The following ATG4B variants were observed in gnomAD, a reference collection of about 807,000 sequenced individuals.
ATG4B encodes the protein autophagy related 4B cysteine peptidase.
A neutral mutation model predicts 56.6 loss-of-function variants in ATG4B; 29 were observed. That is an observed-to-expected ratio of 0.51 (90% CI 0.38 to 0.70). The LOEUF (loss-of-function observed/expected upper bound fraction) is 0.70. Ranked by LOEUF, ATG4B falls within the 30% of genes least tolerant of loss-of-function variation. ATG4B has a pLI of 0.00. For missense variants in ATG4B, 461 were observed against 515.5 expected (o/e 0.89, Z 1.02); for synonymous variants, 224 against 206.1 (o/e 1.09, Z -0.74).
intron 7 of ATG4B, among the ~76,000 whole-genome samples, chr2:241,664,224 A>T (rs551317983): frequency 6.6e-6 from 1 of 152,326 alleles, no homozygotes; most frequent in Admixed American, 6.5e-5. Flanking sequence ...TTTTAAAAAA[A>T]TCAAAGTTAA....
rs565961562 is a variant in ATG4B at position 241,647,654 on chromosome 2, T to C, written c.11-3356T>C. Among the ~76,000 whole-genome samples the C allele has an allele frequency of 1.1e-3, 168 of 150,828 alleles. 1 individual carries two copies. Among genetic ancestry groups the C allele is most frequent in the African/African-American group, 3.7e-3 (151 of 41,022 alleles). ...AAAAAAAAAAAAAAAGAAAAGAAAT[T>C]AGACCGGTGGTGTTTTCATCCTTTT... On this transcript the variant is annotated intron_variant, in intron 1 of 12. Coordinates refer to ENST00000404914, the MANE Select transcript of ATG4B (RefSeq NM_013325.5).
At chr2:241,652,289 T>A (rs2068249275) in intron 3 of ATG4B, among the ~76,000 whole-genome samples, 1 of 152,274 alleles carries the variant, frequency 6.6e-6, no homozygotes, top group African/African-American at 2.4e-5. Context: ...GCGCTGAACC[T>A]GCTCTCTTGG....
rs201831892 is a variant in ATG4B, at chr2:241,666,848, G to A, written c.732+10G>A. On this transcript the variant is annotated intron_variant, in intron 8 of 12. Transcript: ENST00000404914. ...CGTGGAGACGCTGAAGGTGGGTCCTGCCGTGCGGCGCTTGCCCTGAGTCCC... is the reference window on the plus strand; with the variant it reads ...CGTGGAGACGCTGAAGGTGGGTCCTACCGTGCGGCGCTTGCCCTGAGTCCC... 9.7e-6 allele frequency: 15 copies of A among 1,549,244 alleles called. No individual in the cohort carries two copies. Among genetic ancestry groups the A allele is most frequent in the Non-Finnish European group, 1.3e-5 (15 of 1,147,450 alleles).
At chr2:241,662,150 A>G (rs1414046184) in intron 7 of ATG4B, among the ~76,000 whole-genome samples, 4 of 152,244 alleles carry the variant, frequency 2.6e-5, no homozygotes, top group Non-Finnish European at 4.4e-5. Flanking sequence ...TTGAGTCTTT[A>G]GAGCTAAAGA....
rs193140911 is a variant in ATG4B, at chr2:241,661,573, C to T, written c.538+2386C>T. Among the ~76,000 whole-genome samples, 627 of 152,252 alleles carry T rather than the reference C, an allele frequency of 4.1e-3. 3 individuals carry two copies. Among genetic ancestry groups the T allele is most frequent in the African/African-American group, 0.014 (596 of 41,532 alleles). On this transcript the variant is annotated intron_variant, in intron 7 of 12. Transcript: ENST00000404914. Reference sequence around the variant, plus strand: ...AGCAAGGACTTTTCTTCTAGTTTCTCGGAACTGCTTGTGGAAGGAGCAGTT... The same window carrying T: ...AGCAAGGACTTTTCTTCTAGTTTCTTGGAACTGCTTGTGGAAGGAGCAGTT...
Position 241,653,555 on chromosome 2 carries a change from G to A in ATG4B, c.228G>A (p.Leu76=). 6.3e-7 allele frequency: 1 copy of A among 1,583,684 alleles called. No individual in the cohort carries two copies. The highest frequency in any genetic ancestry group is 1.2e-5 in the South Asian group (1 of 86,310). ...CGGACACAGGCTGGGGCTGCATGCT[G>A]CGGTGTGGACAGATGATCTTTGCCC... ...PTSDTGWGCM[L]RCGQMIFAQA... is the part of the protein sequence containing the mutation. The change falls in exon 4 of 13, where the codon CTG becomes CTA. Residue 76 remains leucine (L), a synonymous_variant. Transcript: ENST00000404914.
chr2:241,657,757 T>C (rs745948271), intron 6 of ATG4B, among the ~76,000 whole-genome samples: 5 of 152,216 alleles, frequency 3.3e-5, no homozygotes, highest in Non-Finnish European at 5.9e-5. Context: ...TGATCTTCCT[T>C]CTCTCTTTGT....
chr2:241,642,621 G>C (rs554148481), intron 1 of ATG4B, among the ~76,000 whole-genome samples: 1 of 151,726 alleles, frequency 6.6e-6, no homozygotes, highest in East Asian at 1.9e-4. Context: ...GTACTAAATG[G>C]AGAGAAGTTG....
Position 241,673,249 on chromosome 2 carries a change from C to A in ATG4B, c.*985C>A. On this transcript the variant is annotated 3_prime_UTR_variant, in exon 13 of 13. Transcript: ENST00000404914. ...ACCACAGGGTGGCATCACCTGGTGG[C>A]ATTTCCAGAACCTCAGCCCCGATTC... The A allele has an allele frequency of 3.1e-6, 1 of 318,312 alleles. No homozygotes were observed. The highest frequency in any genetic ancestry group is 4.0e-5 in the Admixed American group (1 of 24,718). The allele number at this position is 318,312 out of a possible 1,614,324, so 19.7% of individuals were successfully genotyped here. A position where few individuals can be genotyped will look rare whatever the true frequency, so the allele number is the denominator to read the frequency against.
intron 10 of ATG4B, among the ~76,000 whole-genome samples, chr2:241,669,029 C>T (rs979630341): frequency 9.3e-6 from 1 of 107,894 alleles, no homozygotes; most frequent in African/African-American, 2.8e-5. Context: ...ACACGGGCGG[C>T]CCCTCCACCC....
intron 12 of ATG4B, 133 bp from the exon 13 acceptor site, chr2:241,672,058 A>G (rs1423866285): frequency 6.9e-7 from 1 of 1,446,888 alleles, no homozygotes; most frequent in East Asian, 2.6e-5. Flanking sequence ...GGACCTGTTC[A>G]CACCCGCATG....
At chr2:241,662,766 A>G (rs1575081724) in intron 7 of ATG4B, among the ~76,000 whole-genome samples, 2 of 151,942 alleles carry the variant, frequency 1.3e-5, no homozygotes, top group Non-Finnish European at 2.9e-5. Context: ...GCTCACGCCT[A>G]TAATCCCAAC....
intron 1 of ATG4B, chr2:241,638,428 C>T (rs968593885): frequency 6.6e-6 from 1 of 152,034 alleles, no homozygotes; most frequent in Non-Finnish European, 1.5e-5. Flanking sequence ...CATGCTTCCG[C>T]TCCATTTTTG....
chr2:241,653,299 A>G (rs2068277658), intron 3 of ATG4B: 3 of 1,542,994 alleles, frequency 1.9e-6, no homozygotes, highest in Non-Finnish European at 2.6e-6. Context: ...TGTTTTGCCC[A>G]TTTTGAGGAG....
chr2:241,672,616 G>A lies in ATG4B; in HGVS notation c.*352G>A. ...GTGGTTGGTTTGGAATTAAAGTCCT[G>A]TTTGAAGTTGTCAGACACAGACATG... On this transcript the variant is annotated 3_prime_UTR_variant, in exon 13 of 13. Coordinates refer to ENST00000404914, the MANE Select transcript of ATG4B (RefSeq NM_013325.5). The A allele has an allele frequency of 3.3e-6, 1 of 302,578 alleles. No individual in the cohort carries two copies. The highest frequency in any genetic ancestry group is 4.8e-5 in the Admixed American group (1 of 20,748). 18.7% of individuals were successfully genotyped at this position (302,578 alleles called of 1,614,324 possible). A position where few individuals can be genotyped will look rare whatever the true frequency, so the allele number is the denominator to read the frequency against.
chr2:241,669,542 CTG>C (rs991905577), intron 10 of ATG4B, among the ~76,000 whole-genome samples: 7 of 152,224 alleles, frequency 4.6e-5, no homozygotes, highest in African/African-American at 1.7e-4. Context: ...GAGTCTCACT[CTG>C]TCGCCCAGGC....
chr2:241,671,236 G>C, intron 11 of ATG4B, 76 bp from the exon 12 acceptor site: 1 of 1,338,324 alleles, frequency 7.5e-7, no homozygotes, highest in African/African-American at 1.4e-5. Flanking sequence ...GCTGGCTGTG[G>C]CCGGCTGGCC....
intron 6 of ATG4B, among the ~76,000 whole-genome samples, chr2:241,656,199 A>T (rs7581490): frequency 0.48 from 72,904 of 151,782 alleles, 17,581 homozygotes; most frequent in East Asian, 0.59. Context: ...CCCCTCACCC[A>T]CAGCCTGCTC....
chr2:241,664,953 C>T (rs2068715341), intron 7 of ATG4B, among the ~76,000 whole-genome samples: 3 of 151,970 alleles, frequency 2.0e-5, no homozygotes, highest in Non-Finnish European at 1.5e-5. Flanking sequence ...AACAGAGAAT[C>T]GGCTTCAAAA....
Sources: allele counts gnomAD v4.1 joint callset (sites outside exome capture counted in the v4.1 genomes callset), GRCh38; gene constraint gnomAD v4.1.1; transcripts MANE v1.5; gene names NCBI Gene and HGNC (gene_info 2026-07-23, HGNC 2026-07-21).